TAFA4: variants seen among roughly 807,000 people sequenced by gnomAD.
The protein encoded by TAFA4 is chemokine-like protein TAFA-4.
TAFA4 carries 20 observed loss-of-function variants against 21.1 expected under a neutral mutation model. That is an observed-to-expected ratio of 0.95 (90% CI 0.67 to 1.38). TAFA4 has a LOEUF of 1.38. Among genes scored for constraint, TAFA4 ranks in the 40% most tolerant of loss-of-function variants. TAFA4 has a pLI of 0.00. For missense variants in TAFA4, 211 were observed against 180.9 expected, an observed-to-expected ratio of 1.17 and a Z score of -0.95; for synonymous variants, 71 against 67.4, an observed-to-expected ratio of 1.05 and a Z score of -0.26.
At chr3:68,758,671 A>C (rs543809411) in intron 3 of TAFA4, among the ~76,000 whole-genome samples, 1 of 152,218 alleles carries the variant, frequency 6.6e-6, no homozygotes, top group Non-Finnish European at 1.5e-5. Flanking sequence ...TGATCTTTGA[A>C]TAAGGATATA....
At chr3:68,810,208 C>T (rs1027962251) in intron 3 of TAFA4, among the ~76,000 whole-genome samples, 22 of 152,096 alleles carry the variant, frequency 1.4e-4, no homozygotes, top group Non-Finnish European at 2.4e-4. Context: ...TGTTCCTATT[C>T]GGCCATCTTG....
chr3:68,860,604 T>C (rs2089323731), intron 3 of TAFA4, among the ~76,000 whole-genome samples: 1 of 152,128 alleles, frequency 6.6e-6, no homozygotes, highest in Admixed American at 6.5e-5. Flanking sequence ...TACTAACAAA[T>C]AATGCTTTTG....
At chr3:68,831,565 C>T (rs182616488) in intron 3 of TAFA4, among the ~76,000 whole-genome samples, 1,692 of 149,826 alleles carry the variant, frequency 0.011, 20 homozygotes, top group Middle Eastern at 0.042. Context: ...GTTAGTCTGA[C>T]GGGCTTCCCT....
At chr3:68,920,987 TG>T (rs1204956464) in intron 1 of TAFA4, among the ~76,000 whole-genome samples, 6 of 152,158 alleles carry the variant, frequency 3.9e-5, no homozygotes, top group Non-Finnish European at 8.8e-5. Context: ...TCTAACTGTC[TG>T]GGGTTGAGTG....
In TAFA4 at chr3:68,920,246, T is replaced by A. The variant is rs187813263; in HGVS notation, c.-123+11994A>T. ...CCAGTAAGCAAAAAAATACAAACTA[T>A]AGAATCAGATGTATAAAATGACACT... On this transcript the variant is annotated intron_variant, in intron 1 of 5. Transcript: ENST00000295569. Among the ~76,000 whole-genome samples, 203 of 152,272 alleles carry A rather than the reference T, an allele frequency of 1.3e-3. 1 individual carries two copies. Among genetic ancestry groups the A allele is most frequent in the African/African-American group, 4.8e-3 (199 of 41,560 alleles).
At chr3:68,751,728 A>C (rs1329172404) in intron 4 of TAFA4, among the ~76,000 whole-genome samples, 1 of 152,204 alleles carries the variant, frequency 6.6e-6, no homozygotes, top group Non-Finnish European at 1.5e-5. Flanking sequence ...CCCATGCTGC[A>C]TGAATATTCA....
intron 3 of TAFA4, among the ~76,000 whole-genome samples, chr3:68,823,665 T>C (rs2130440): frequency 0.3 from 45,226 of 151,948 alleles, 7,492 homozygotes; most frequent in East Asian, 0.69. Context: ...TGTGTTCTCA[T>C]TGTTCAGCTC....
At chr3:68,891,543 C>G (rs1393079550) in intron 1 of TAFA4, among the ~76,000 whole-genome samples, 3 of 152,084 alleles carry the variant, frequency 2.0e-5, no homozygotes, top group Admixed American at 2.0e-4. Context: ...TACTAGGGCA[C>G]AAGTAGGAAT....
chr3:68,863,386 A>AT (rs1286697370), intron 3 of TAFA4, among the ~76,000 whole-genome samples: 2 of 152,138 alleles, frequency 1.3e-5, no homozygotes, highest in Admixed American at 6.6e-5. Context: ...GTCTATTTGT[A>AT]TTTTTTCCAT....
At chr3:68,843,462 T>C (rs184896176) in intron 3 of TAFA4, among the ~76,000 whole-genome samples, 8 of 152,342 alleles carry the variant, frequency 5.3e-5, no homozygotes, top group African/African-American at 1.9e-4. Flanking sequence ...TCATGTCATC[T>C]GCAAAGACAA....
intron 3 of TAFA4, among the ~76,000 whole-genome samples, chr3:68,817,378 G>A (rs1193391884): frequency 6.6e-6 from 1 of 152,092 alleles, no homozygotes; most frequent in Non-Finnish European, 1.5e-5. Context: ...CTCCACAGAA[G>A]TCTCAAATTC....
At chr3:68,779,355 C>T (rs1402003057) in intron 3 of TAFA4, among the ~76,000 whole-genome samples, 1 of 152,116 alleles carries the variant, frequency 6.6e-6, no homozygotes, top group Non-Finnish European at 1.5e-5. Flanking sequence ...TAAAAATTTG[C>T]ATAAGTAAAG....
chr3:68,764,755 C>T (rs1702816902), intron 3 of TAFA4, among the ~76,000 whole-genome samples: 1 of 152,150 alleles, frequency 6.6e-6, no homozygotes, highest in Non-Finnish European at 1.5e-5. Flanking sequence ...AGCAGGGCCA[C>T]TAGTGGAGAG....
chr3:68,808,295 CACCT>C (rs1559527702), intron 3 of TAFA4, among the ~76,000 whole-genome samples: 1 of 152,142 alleles, frequency 6.6e-6, no homozygotes, highest in Non-Finnish European at 1.5e-5. Context: ...TCAACCGTCC[CACCT>C]GAGTCCAGCA....
intron 3 of TAFA4, among the ~76,000 whole-genome samples, chr3:68,824,785 C>G (rs1022947163): frequency 1.3e-5 from 2 of 152,158 alleles, no homozygotes; most frequent in African/African-American, 4.8e-5. Flanking sequence ...GTCATGCAGG[C>G]AGCAAGGGGC....
At chr3:68,782,581 T>C (rs566208914) in intron 3 of TAFA4, among the ~76,000 whole-genome samples, 3 of 152,028 alleles carry the variant, frequency 2.0e-5, no homozygotes, top group African/African-American at 7.2e-5. Context: ...TACTGATACA[T>C]GCTACAACAT....
intron 1 of TAFA4, among the ~76,000 whole-genome samples, chr3:68,920,713 A>G (rs1311462797): frequency 1.4e-5 from 2 of 138,780 alleles, no homozygotes; most frequent in Non-Finnish European, 3.0e-5. Context: ...GTGACCCTGT[A>G]TTATGACCAG....
intron 3 of TAFA4, among the ~76,000 whole-genome samples, chr3:68,841,705 C>A (rs929446021): frequency 2.0e-5 from 3 of 151,754 alleles, no homozygotes; most frequent in African/African-American, 7.3e-5. Context: ...TACCCCCCAA[C>A]CCCCTGACAG....
chr3:68,741,256 C>T (rs1702346023), intron 4 of TAFA4, among the ~76,000 whole-genome samples: 2 of 152,132 alleles, frequency 1.3e-5, no homozygotes, highest in South Asian at 4.1e-4. Flanking sequence ...CAATATTTTT[C>T]CAATCCACGA....
Sources: allele counts gnomAD v4.1 joint callset (sites outside exome capture counted in the v4.1 genomes callset), GRCh38; gene constraint gnomAD v4.1.1; transcripts MANE v1.5; gene names NCBI Gene and HGNC (gene_info 2026-07-23, HGNC 2026-07-21).